UBXN7: variants seen among roughly 807,000 people sequenced by gnomAD.
UBXN7 encodes UBX domain protein 7.
A neutral mutation model predicts 58.0 loss-of-function variants in UBXN7; 9 were observed. That is an observed-to-expected ratio of 0.16 (90% confidence interval 0.09 to 0.27). The LOEUF is 0.27. Among genes scored for constraint, UBXN7 ranks in the 10% least tolerant of loss-of-function variants. UBXN7 has a pLI of 1.00. For synonymous variants in UBXN7, 208 were observed against 205.0 expected (o/e 1.01, Z -0.12); for missense variants, 328 against 599.6 (o/e 0.55, Z 4.73).
At chr3:196,402,667 A>C (rs900859176) in intron 3 of UBXN7, among the ~76,000 whole-genome samples, 1 of 152,198 alleles carries the variant, frequency 6.6e-6, no homozygotes, top group Non-Finnish European at 1.5e-5. Flanking sequence ...GGTATCCAGA[A>C]AATAAAAATA....
At chr3:196,410,885 T>C (rs1412053947) in intron 1 of UBXN7, among the ~76,000 whole-genome samples, 5 of 152,200 alleles carry the variant, frequency 3.3e-5, no homozygotes, top group African/African-American at 4.8e-5. Context: ...CAAGTCTTTA[T>C]GATCTGGAAA....
intron 7 of UBXN7, among the ~76,000 whole-genome samples, chr3:196,369,060 A>G (rs1468187920): frequency 6.6e-6 from 1 of 152,070 alleles, no homozygotes; most frequent in Non-Finnish European, 1.5e-5. Context: ...GCCTGACCTC[A>G]TGATCCGCCC....
chr3:196,428,018 G>A (rs115643223), intron 1 of UBXN7, among the ~76,000 whole-genome samples: 1,614 of 152,240 alleles, frequency 0.011, 27 homozygotes, highest in African/African-American at 0.037. Flanking sequence ...CAGCTACTGC[G>A]GAGGCTGAAG....
rs761306876 is a variant in UBXN7 at position 196,367,985 on chromosome 3, AATTACATTT to A, written c.834+34_834+42del. On this transcript the variant is annotated intron_variant, in intron 8 of 10. Transcript: ENST00000296328. ...CATTTTATATAAGATGCTTATGACCAATTACATTTATTTTCCCATCACCACCTCCTAATT... is the reference window on the plus strand; with the variant it reads ...CATTTTATATAAGATGCTTATGACCAATTTTCCCATCACCACCTCCTAATT... The A allele has an allele frequency of 3.8e-6, 6 of 1,599,708 alleles. No homozygotes were observed. The East Asian group carries it at 1.3e-4, about 36-fold the overall frequency.
rs775814095 is a variant in UBXN7, at chr3:196,381,652, A to G, written c.469-9610T>C. Among the ~76,000 whole-genome samples the G allele has an allele frequency of 2.4e-4, 36 of 152,266 alleles. 1 individual carries two copies. The highest frequency in any genetic ancestry group is 7.3e-5 in the Non-Finnish European group (5 of 68,046). Reference sequence around the variant, plus strand: ...TGGAGAATGACTTTGACAAGTTGACAGAAGTAGTCTTCAGAAGGTCGGTAA... The same window carrying G: ...TGGAGAATGACTTTGACAAGTTGACGGAAGTAGTCTTCAGAAGGTCGGTAA... On this transcript the variant is annotated intron_variant, in intron 5 of 10. Coordinates refer to ENST00000296328, the MANE Select transcript of UBXN7 (RefSeq NM_015562.2).
intron 3 of UBXN7, among the ~76,000 whole-genome samples, chr3:196,399,326 T>TG (rs1299894554): frequency 2.0e-5 from 3 of 151,748 alleles, no homozygotes; most frequent in Admixed American, 2.0e-4. Flanking sequence ...TTTTTTGAGT[T>TG]GGGGTCTCAA....
At chr3:196,371,631 G>A (rs1418709401) in intron 6 of UBXN7, among the ~76,000 whole-genome samples, 1 of 151,874 alleles carries the variant, frequency 6.6e-6, no homozygotes, top group Non-Finnish European at 1.5e-5. Flanking sequence ...ACAGGTGCCT[G>A]CTGCCACACC....
intron 1 of UBXN7, among the ~76,000 whole-genome samples, chr3:196,430,157 C>G (rs1730981134): frequency 1.3e-5 from 2 of 151,918 alleles, no homozygotes; most frequent in East Asian, 3.9e-4. Flanking sequence ...GAGTTCAAGA[C>G]CAGCCAGGCC....
At chr3:196,358,876 G>C (rs1728427353) in intron 10 of UBXN7, among the ~76,000 whole-genome samples, 1 of 149,714 alleles carries the variant, frequency 6.7e-6, no homozygotes, top group African/African-American at 2.5e-5. Flanking sequence ...GCCCAGGCTG[G>C]TCTCAAACTC....
chr3:196,377,126 G>A (rs1190683181), intron 5 of UBXN7, among the ~76,000 whole-genome samples: 1 of 151,712 alleles, frequency 6.6e-6, no homozygotes, highest in Non-Finnish European at 1.5e-5. Context: ...GCATAATCAT[G>A]ATTTCATGAA....
At chr3:196,392,434 G>A (rs1553852019) in intron 4 of UBXN7, among the ~76,000 whole-genome samples, 1 of 152,036 alleles carries the variant, frequency 6.6e-6, no homozygotes, top group Non-Finnish European at 1.5e-5. Flanking sequence ...GAACCCTGGA[G>A]GCAGAGGTTG....
chr3:196,401,823 G>GAGAGAAAAGAAGAGA (rs1730000340), intron 3 of UBXN7, among the ~76,000 whole-genome samples: 1 of 120,314 alleles, frequency 8.3e-6, no homozygotes, highest in Admixed American at 9.2e-5. Flanking sequence ...GAAAAGAGAA[G>GAGAGAAAAGAAGAGA]AGAGAAGAGA....
At chr3:196,403,107 T>C in intron 2 of UBXN7, 88 bp from the exon 3 acceptor site, 1 of 1,292,756 alleles carries the variant, frequency 7.7e-7, no homozygotes. Context: ...ATATTCAAAT[T>C]AACGTAGTGA....
intron 2 of UBXN7, 131 bp downstream of exon 2, chr3:196,407,115 C>G: frequency 1.5e-6 from 2 of 1,309,920 alleles, no homozygotes. Flanking sequence ...AAAATTTCCA[C>G]TTCATACTTT....
chr3:196,423,463 G>A, intron 1 of UBXN7: 1 of 264,566 alleles, frequency 3.8e-6, no homozygotes, highest in Non-Finnish European at 7.7e-6. Flanking sequence ...TCTTTTCTTG[G>A]CTGTGATGGG....
chr3:196,364,900 A>G (rs571436214), intron 8 of UBXN7, among the ~76,000 whole-genome samples: 6 of 152,054 alleles, frequency 3.9e-5, no homozygotes, highest in African/African-American at 1.4e-4. Context: ...CGAACTTACC[A>G]CCCCTAAAAA....
At chr3:196,401,534 C>A in intron 3 of UBXN7, among the ~76,000 whole-genome samples, 2 of 149,596 alleles carry the variant, frequency 1.3e-5, no homozygotes, top group Non-Finnish European at 1.5e-5. Flanking sequence ...AACAGAAAGC[C>A]AAATACCGGA....
In UBXN7 at chr3:196,421,876, T is replaced by C. The variant is rs372460307; in HGVS notation, c.73+10451A>G. Among the ~76,000 whole-genome samples the C allele has an allele frequency of 7.9e-5, 12 of 151,656 alleles. No homozygotes were observed. The South Asian group carries it at 2.5e-3, about 32-fold the overall frequency. ...AATGCAAATTAAGACCACAATGACA[T>C]ACCATTACACACTTATTGAAATGGC... On this transcript the variant is annotated intron_variant, in intron 1 of 10. Coordinates refer to ENST00000296328, the MANE Select transcript of UBXN7 (RefSeq NM_015562.2).
chr3:196,395,176 C>CA (rs1729731063), intron 3 of UBXN7, among the ~76,000 whole-genome samples: 1 of 152,164 alleles, frequency 6.6e-6, no homozygotes, highest in African/African-American at 2.4e-5. Context: ...CAAGATTAGA[C>CA]AGAGACTACA....
Sources: gnomAD v4.1 joint callset for allele counts (sites outside exome capture counted in the v4.1 genomes callset) on GRCh38, gnomAD v4.1.1 for gene constraint, MANE v1.5 for transcripts, NCBI Gene and HGNC (gene_info 2026-07-23, HGNC 2026-07-21) for gene names.